The following PLXDC2 variants were observed in gnomAD, a reference collection of about 807,000 sequenced individuals.
The protein encoded by PLXDC2 is plexin domain-containing protein 2.
In PLXDC2, 40 loss-of-function variants were observed where a neutral mutation model predicts 68.9. The observed-to-expected ratio is 0.58, with a 90% confidence interval of 0.45 to 0.76. PLXDC2 has a LOEUF of 0.76. Ranked by LOEUF, PLXDC2 falls within the 30% of genes least tolerant of loss-of-function variation. The pLI, the probability that PLXDC2 is intolerant of heterozygous loss-of-function variation, is 0.00. For synonymous variants in PLXDC2, 243 were observed against 234.2 expected (o/e 1.04, Z -0.34); for missense variants, 644 against 661.9 (o/e 0.97, Z 0.30).
At chr10:19,923,481 A>C (rs866448362) in intron 1 of PLXDC2, among the ~76,000 whole-genome samples, 21 of 152,312 alleles carry the variant, frequency 1.4e-4, no homozygotes, top group Middle Eastern at 3.4e-3. Flanking sequence ...TGTCATTCTG[A>C]GGGCTTGGCA....
intron 1 of PLXDC2, among the ~76,000 whole-genome samples, chr10:19,955,597 A>G (rs894574280): frequency 6.6e-6 from 1 of 152,044 alleles, no homozygotes; most frequent in African/African-American, 2.4e-5. Context: ...TTAATATACA[A>G]TGGTTTTAGG....
At chr10:19,994,035 A>G (rs943362348) in intron 1 of PLXDC2, among the ~76,000 whole-genome samples, 1 of 152,082 alleles carries the variant, frequency 6.6e-6, no homozygotes, top group South Asian at 2.1e-4. Context: ...TCTTTTTTTC[A>G]TCTAGTTTCA....
intron 1 of PLXDC2, among the ~76,000 whole-genome samples, chr10:19,903,793 T>C (rs1470214436): frequency 1.3e-5 from 2 of 152,140 alleles, no homozygotes; most frequent in Admixed American, 1.3e-4. Context: ...ATTTGTGCTC[T>C]TTCAGACTTT....
intron 4 of PLXDC2, 28 bp from the exon 5 acceptor site, chr10:20,143,267 A>G: frequency 6.3e-7 from 1 of 1,584,572 alleles, no homozygotes; most frequent in Non-Finnish European, 8.6e-7. Context: ...TCTTTTTCTG[A>G]ATATGTTTCC....
At chr10:20,251,945 TAA>T (rs200330364) in intron 13 of PLXDC2, among the ~76,000 whole-genome samples, 3 of 146,494 alleles carry the variant, frequency 2.0e-5, no homozygotes. Context: ...ATTGGAGGGT[TAA>T]AAAAAAAAAA....
At chr10:19,982,440 G>A (rs953317218) in intron 1 of PLXDC2, among the ~76,000 whole-genome samples, 5 of 152,156 alleles carry the variant, frequency 3.3e-5, no homozygotes, top group African/African-American at 1.2e-4. Context: ...GTTTATTTCA[G>A]TTGTGGTACA....
intron 2 of PLXDC2, among the ~76,000 whole-genome samples, chr10:20,028,189 G>A (rs113846325): frequency 1.3e-5 from 2 of 152,160 alleles, no homozygotes; most frequent in African/African-American, 2.4e-5. Flanking sequence ...TGGTCTGCAC[G>A]TTGGGATCAC....
At chr10:20,223,123 T>G (rs1342140075) in intron 12 of PLXDC2, among the ~76,000 whole-genome samples, 1 of 152,050 alleles carries the variant, frequency 6.6e-6, no homozygotes, top group Non-Finnish European at 1.5e-5. Context: ...AATTAACTCT[T>G]TTACTTCACA....
chr10:19,896,574 A>G (rs1398614907), intron 1 of PLXDC2, among the ~76,000 whole-genome samples: 13 of 152,214 alleles, frequency 8.5e-5, no homozygotes, highest in Non-Finnish European at 1.9e-4. Context: ...AGTGACATGG[A>G]AACTCCTGTC....
chr10:20,181,196 G>T (rs1834598572), intron 9 of PLXDC2, among the ~76,000 whole-genome samples: 1 of 152,012 alleles, frequency 6.6e-6, no homozygotes, highest in African/African-American at 2.4e-5. Context: ...AAGTAACCTT[G>T]CTCTTTTGAA....
chr10:19,843,966 G>A (rs1836952463), intron 1 of PLXDC2, among the ~76,000 whole-genome samples: 1 of 152,144 alleles, frequency 6.6e-6, no homozygotes, highest in Admixed American at 6.5e-5. Context: ...AAACAGTGAA[G>A]GTGATGGGTG....
intron 13 of PLXDC2, among the ~76,000 whole-genome samples, chr10:20,261,385 T>A (rs759889703): frequency 6.6e-6 from 1 of 152,114 alleles, no homozygotes; most frequent in Non-Finnish European, 1.5e-5. Context: ...AAGAGAAAGG[T>A]CCAGTTTCAT....
chr10:19,975,408 A>C (rs1476326130), intron 1 of PLXDC2, among the ~76,000 whole-genome samples: 2 of 152,160 alleles, frequency 1.3e-5, no homozygotes, highest in Non-Finnish European at 2.9e-5. Context: ...CAGTGAGCAG[A>C]GATCGCGCCT....
intron 1 of PLXDC2, among the ~76,000 whole-genome samples, chr10:19,868,553 A>G (rs1386256799): frequency 1.3e-5 from 2 of 152,218 alleles, no homozygotes; most frequent in Non-Finnish European, 2.9e-5. Context: ...AATTAGCTTG[A>G]AAAGAAAATG....
rs41277348 is a variant in PLXDC2, at chr10:19,817,386, G to A, written c.112+195G>A. On this transcript the variant is annotated intron_variant, in intron 1 of 13. Transcript: ENST00000377252. ...CAAGAGAAGGACGCCGGGGACTAGG[G>A]GTTTTCTTGAGGCTTTCGGGCTTAC... Among the ~76,000 whole-genome samples the A allele has an allele frequency of 6.9e-3, 1,054 of 152,254 alleles. 8 individuals are homozygous for A. Among genetic ancestry groups the A allele is most frequent in the Admixed American group, 0.011 (174 of 15,298 alleles).
chr10:19,989,740 T>A (rs1834714437), intron 1 of PLXDC2, among the ~76,000 whole-genome samples: 1 of 141,818 alleles, frequency 7.1e-6, no homozygotes, highest in Admixed American at 7.2e-5. Context: ...TCAATTTTTT[T>A]ACTTATGTGA....
At chr10:19,860,252 TG>T (rs2131334126) in intron 1 of PLXDC2, among the ~76,000 whole-genome samples, 1 of 152,346 alleles carries the variant, frequency 6.6e-6, no homozygotes, top group East Asian at 1.9e-4. Flanking sequence ...GTTTGTTCAC[TG>T]GTAAAGTAAA....
At chr10:20,082,808 G>A (rs559579284) in intron 4 of PLXDC2, among the ~76,000 whole-genome samples, 1 of 152,218 alleles carries the variant, frequency 6.6e-6, no homozygotes, top group South Asian at 2.1e-4. Flanking sequence ...GTTTTGGACA[G>A]GTTAAATAAA....
At chr10:20,101,490 A>C (rs1440772434) in intron 4 of PLXDC2, among the ~76,000 whole-genome samples, 1 of 152,192 alleles carries the variant, frequency 6.6e-6, no homozygotes, top group African/African-American at 2.4e-5. Flanking sequence ...CAAATCTTGA[A>C]AGCTGATTTC....
Sources: gnomAD v4.1 joint callset for allele counts (sites outside exome capture counted in the v4.1 genomes callset) on GRCh38, gnomAD v4.1.1 for gene constraint, MANE v1.5 for transcripts, NCBI Gene and HGNC (gene_info 2026-07-23, HGNC 2026-07-21) for gene names.